The following ADAMTS2 variants were observed in gnomAD, a reference collection of about 807,000 sequenced individuals.
The protein encoded by ADAMTS2 is ADAM metallopeptidase with thrombospondin type 1 motif 2.
ADAMTS2 carries 50 observed loss-of-function variants against 123.0 expected under a neutral mutation model. That is an observed-to-expected ratio of 0.41 (90% CI 0.32 to 0.51). The LOEUF (loss-of-function observed/expected upper bound fraction) is 0.51. ADAMTS2 is among the 20% of genes least tolerant of loss of function. The pLI, the probability that ADAMTS2 is intolerant of heterozygous loss-of-function variation, is 0.35. For synonymous variants in ADAMTS2, 678 were observed against 695.4 expected (o/e 0.98, Z 0.39); for missense variants, 1,494 against 1,705.2 (o/e 0.88, Z 2.18).
Position 179,260,536 on chromosome 5 carries a change from T to G in ADAMTS2, c.688+12375A>C, listed in dbSNP as rs1365422298. 6.6e-6 allele frequency among the ~76,000 whole-genome samples: 1 copy of G among 152,130 alleles called. No individual in the cohort carries two copies. Reference sequence around the variant, plus strand: ...GATGGGGTCACAGGCTACCGGGTTTTGCCAGCCCAGGCTCTGAGCGGGGAC... The same window carrying G: ...GATGGGGTCACAGGCTACCGGGTTTGGCCAGCCCAGGCTCTGAGCGGGGAC... On this transcript the variant is annotated intron_variant, in intron 3 of 21. Transcript: ENST00000251582. This position sits in a 1 kb window ranked among gnomAD's most constrained non-coding sequence, Gnocchi z 4.2.
intron 4 of ADAMTS2, among the ~76,000 whole-genome samples, chr5:179,194,939 C>G (rs1051835014): frequency 1.3e-5 from 2 of 152,168 alleles, no homozygotes. Context: ...CTCTCCAAGC[C>G]CCACAAGCTC....
intron 10 of ADAMTS2, among the ~76,000 whole-genome samples, chr5:179,144,491 G>C (rs991015532): frequency 7.9e-5 from 12 of 152,172 alleles, no homozygotes; most frequent in Non-Finnish European, 2.9e-5. Context: ...AAAGTGGGAA[G>C]ACACTTCACC....
chr5:179,329,996 G>GGC (rs897287453), intron 2 of ADAMTS2, among the ~76,000 whole-genome samples: 1 of 151,708 alleles, frequency 6.6e-6, no homozygotes, highest in African/African-American at 2.4e-5. Flanking sequence ...CGCGGTGGCG[G>GGC]GCGCCTGTAG....
In ADAMTS2 at chr5:179,129,899, C is replaced by A. The variant is rs755205645; in HGVS notation, c.2457+33G>T. ...ATCCCTCCCCCAGTGGCCACCCGCA[C>A]CCTTCCCTGGGCCCAGCCCTGCTTG... On this transcript the variant is annotated intron_variant, in intron 16 of 21. Coordinates refer to ENST00000251582, the MANE Select transcript of ADAMTS2 (RefSeq NM_014244.5). The surrounding 1 kb of genome is among the most constrained non-coding windows in gnomAD (Gnocchi z 4.1). 39 of 1,612,942 alleles carry A rather than the reference C, an allele frequency of 2.4e-5. No individual in the cohort carries two copies. The highest frequency in any genetic ancestry group is 3.3e-5 in the Non-Finnish European group (39 of 1,179,906).
intron 2 of ADAMTS2, among the ~76,000 whole-genome samples, chr5:179,337,373 T>C (rs1757640473): frequency 6.6e-6 from 1 of 151,338 alleles, no homozygotes; most frequent in Non-Finnish European, 1.5e-5. Flanking sequence ...GCAGACACAC[T>C]CATGTGCACA....
chr5:179,236,482 C>T (rs1765532693), intron 3 of ADAMTS2, among the ~76,000 whole-genome samples: 1 of 151,978 alleles, frequency 6.6e-6, no homozygotes, highest in African/African-American at 2.4e-5. Context: ...CTGTCAGAGG[C>T]CTCTGATAAA....
chr5:179,244,472 A>T (rs530368872), intron 3 of ADAMTS2, among the ~76,000 whole-genome samples: 1 of 152,346 alleles, frequency 6.6e-6, no homozygotes, highest in Non-Finnish European at 1.5e-5. Flanking sequence ...ACAGAGAATT[A>T]TGAGTAGACC....
chr5:179,220,819 C>T (rs1278424138), intron 3 of ADAMTS2, among the ~76,000 whole-genome samples: 1 of 152,216 alleles, frequency 6.6e-6, no homozygotes, highest in South Asian at 2.1e-4. Flanking sequence ...TTGAGCCCTG[C>T]GTTCATGCAG....
At chr5:179,230,373 G>A (rs1357272496) in intron 3 of ADAMTS2, among the ~76,000 whole-genome samples, 2 of 152,246 alleles carry the variant, frequency 1.3e-5, no homozygotes, top group East Asian at 1.9e-4. Context: ...ATGCCGAGAT[G>A]CTCAGCTGTG....
At chr5:179,144,436 A>C (rs1172165316) in intron 10 of ADAMTS2, among the ~76,000 whole-genome samples, 4 of 152,220 alleles carry the variant, frequency 2.6e-5, no homozygotes, top group Non-Finnish European at 5.9e-5. Flanking sequence ...TTCATATGGA[A>C]AGTCACAGGA....
In ADAMTS2 at chr5:179,207,502, A is replaced by ACCCCCCCCCCCCCC; in HGVS notation, c.891+10_891+11insGGGGGGGGGGGGGG. On this transcript the variant is annotated intron_variant, in intron 4 of 21. Coordinates refer to ENST00000251582, the MANE Select transcript of ADAMTS2 (RefSeq NM_014244.5). ...CCCGCCCCACCCTGCCCCCTCAGCCACCCCACTCACAATGTTCATGAGTGT... is the reference window on the plus strand; with the variant it reads ...CCCGCCCCACCCTGCCCCCTCAGCCACCCCCCCCCCCCCCCCCCACTCACAATGTTCATGAGTGT... The ACCCCCCCCCCCCCC allele has an allele frequency of 1.4e-6, 1 of 727,556 alleles. No individual in the cohort carries two copies. Among genetic ancestry groups the ACCCCCCCCCCCCCC allele is most frequent in the Non-Finnish European group, 2.0e-6 (1 of 493,628 alleles). 45.1% of individuals were successfully genotyped at this position (727,556 alleles called of 1,614,324 possible).
At chr5:179,203,588 A>G (rs929448309) in intron 4 of ADAMTS2, among the ~76,000 whole-genome samples, 1 of 152,242 alleles carries the variant, frequency 6.6e-6, no homozygotes, top group Admixed American at 6.5e-5. Context: ...TCCTCTGTGC[A>G]CAGGCCCAAC....
intron 3 of ADAMTS2, among the ~76,000 whole-genome samples, chr5:179,233,733 A>C (rs1299004813): frequency 6.6e-6 from 1 of 152,130 alleles, no homozygotes; most frequent in Non-Finnish European, 1.5e-5. Context: ...AAAAACAAAA[A>C]AACAGAAACA....
chr5:179,233,558 G>A (rs1187212370), intron 3 of ADAMTS2, among the ~76,000 whole-genome samples: 1 of 152,118 alleles, frequency 6.6e-6, no homozygotes, highest in African/African-American at 2.4e-5. Context: ...GTGTTGGCAG[G>A]CACCTGTAAT....
chr5:179,119,428 G>A (rs1762716776), intron 21 of ADAMTS2, among the ~76,000 whole-genome samples: 1 of 152,204 alleles, frequency 6.6e-6, no homozygotes, highest in Non-Finnish European at 1.5e-5. Flanking sequence ...CTCCTCAGTG[G>A]TACAGAAAAG....
At chr5:179,131,454 T>C (rs575543714) in intron 15 of ADAMTS2, among the ~76,000 whole-genome samples, 8 of 152,192 alleles carry the variant, frequency 5.3e-5, no homozygotes, top group Non-Finnish European at 7.4e-5. Flanking sequence ...GCGTGGGTGC[T>C]GGTCCACGGC....
intron 4 of ADAMTS2, among the ~76,000 whole-genome samples, chr5:179,193,660 T>G (rs932895531): frequency 6.6e-6 from 1 of 152,200 alleles, no homozygotes; most frequent in African/African-American, 2.4e-5. Flanking sequence ...TTATGGGAAT[T>G]CATTTAGTCA....
intron 2 of ADAMTS2, among the ~76,000 whole-genome samples, chr5:179,275,558 T>TGGAG (rs913873135): frequency 6.6e-6 from 1 of 150,682 alleles, no homozygotes; most frequent in Non-Finnish European, 1.5e-5. Flanking sequence ...TGCCGGGGAG[T>TGGAG]GGAGGGGGAT....
intron 2 of ADAMTS2, among the ~76,000 whole-genome samples, chr5:179,310,449 G>A (rs1448964608): frequency 6.6e-6 from 1 of 152,184 alleles, no homozygotes; most frequent in Non-Finnish European, 1.5e-5. Context: ...GAGCCCCAGA[G>A]GGCTCCCCTG....
Sources: gnomAD v4.1 joint callset for allele counts (sites outside exome capture counted in the v4.1 genomes callset) on GRCh38, gnomAD v4.1.1 for gene constraint, Gnocchi (gnomAD v3.1) non-coding constraint, MANE v1.5 for transcripts, NCBI Gene and HGNC (gene_info 2026-07-23, HGNC 2026-07-21) for gene names.